Variants in CREB1 observed in about 807,000 individuals in gnomAD.
CREB1 encodes the protein cAMP responsive element binding protein 1.
CREB1 carries 2 observed loss-of-function variants against 42.0 expected under a neutral mutation model. The ratio of observed to expected loss-of-function variants is 0.05; its 90% CI spans 0.02 to 0.15. The LOEUF (loss-of-function observed/expected upper bound fraction) is 0.15. CREB1 is among the 10% of genes least tolerant of loss of function. The probability of loss-of-function intolerance (pLI) is 1.00; values close to 1 mark genes in which losing one functional copy is unlikely to be tolerated. For synonymous variants in CREB1, 123 were observed against 139.9 expected, an observed-to-expected ratio of 0.88 and a Z score of 0.85; for missense variants, 199 against 388.9, an observed-to-expected ratio of 0.51 and a Z score of 4.11.
chr2:207,558,532 C>CT (rs1161801187), intron 2 of CREB1, among the ~76,000 whole-genome samples: 4 of 152,090 alleles, frequency 2.6e-5, no homozygotes, highest in African/African-American at 9.7e-5. Context: ...TAACTGCCCT[C>CT]TTTTTGGCCT....
chr2:207,534,082 CAAGTT>C (rs2080765569), intron 1 of CREB1, among the ~76,000 whole-genome samples: 1 of 152,236 alleles, frequency 6.6e-6, no homozygotes. Context: ...GGCCCTTAGG[CAAGTT>C]ATCTTAACTT....
At chr2:207,593,605 T>C (rs183434840) in intron 7 of CREB1, among the ~76,000 whole-genome samples, 1 of 152,310 alleles carries the variant, frequency 6.6e-6, no homozygotes, top group Admixed American at 6.5e-5. Context: ...TCAATGGAAT[T>C]ACAATGTACT....
At chr2:207,572,460 A>G (rs1390915591) in intron 5 of CREB1, among the ~76,000 whole-genome samples, 1 of 152,216 alleles carries the variant, frequency 6.6e-6, no homozygotes, top group African/African-American at 2.4e-5. Flanking sequence ...CCATAGATAT[A>G]TAAACACACA....
chr2:207,541,149 G>A (rs1418586535), intron 1 of CREB1, among the ~76,000 whole-genome samples: 1 of 152,022 alleles, frequency 6.6e-6, no homozygotes, highest in African/African-American at 2.4e-5. Context: ...GAACCCACAG[G>A]TGGAGCATGC....
intron 7 of CREB1, chr2:207,581,461 T>A (rs2082947700): frequency 5.0e-6 from 1 of 201,772 alleles, no homozygotes; most frequent in African/African-American, 2.3e-5. Context: ...AATTTATTAT[T>A]ACACAAGTAA....
At chr2:207,563,648 A>G (rs1038766215) in intron 3 of CREB1, among the ~76,000 whole-genome samples, 1 of 152,202 alleles carries the variant, frequency 6.6e-6, no homozygotes, top group African/African-American at 2.4e-5. Flanking sequence ...TGACTGTTAT[A>G]AAGTGTTAAA....
chr2:207,577,549 A>C lies in CREB1; in HGVS notation c.733A>C (p.Thr245Pro), dbSNP rs751222079. ...VQTYQIRTAPTSTIAPGVVMA... is the reference protein window; with the variant it reads ...VQTYQIRTAPPSTIAPGVVMA... ...AACATACCAGATTCGCACAGCACCC[A>C]CTAGCACTATTGCCCCTGGAGTTGT... Residue 245 changes from threonine to proline, a missense_variant, in exon 7 of 8, where the codon ACT becomes CCT. By Grantham distance (38) the Thr-to-Pro change is conservative. Transcript: ENST00000353267. 8.1e-6 allele frequency: 13 copies of C among 1,613,992 alleles called. No individual in the cohort carries two copies. The South Asian group carries it at 1.4e-4, about 18-fold the overall frequency.
intron 7 of CREB1, among the ~76,000 whole-genome samples, chr2:207,586,706 AAAAC>A (rs770680495): frequency 2.6e-4 from 39 of 152,352 alleles, no homozygotes; most frequent in Middle Eastern, 3.4e-3. Context: ...ACCGAACAGG[AAAAC>A]AAACAAAAAT....
At chr2:207,565,911 G>T (rs988153803) in intron 3 of CREB1, among the ~76,000 whole-genome samples, 7 of 152,192 alleles carry the variant, frequency 4.6e-5, no homozygotes, top group African/African-American at 1.7e-4. Context: ...AGACTCTTGT[G>T]TGTGGGCTAG....
At chr2:207,530,886 ATGC>A (rs2080588827) in intron 1 of CREB1, among the ~76,000 whole-genome samples, 1 of 151,232 alleles carries the variant, frequency 6.6e-6, no homozygotes, top group South Asian at 2.1e-4. Context: ...CGTTGAGGAA[ATGC>A]TGCTTTCTGC....
At chr2:207,547,322 A>AG (rs1489744399) in intron 1 of CREB1, among the ~76,000 whole-genome samples, 1 of 152,254 alleles carries the variant, frequency 6.6e-6, no homozygotes, top group Non-Finnish European at 1.5e-5. Context: ...AGTAAATGTA[A>AG]GTAGGCTATA....
At position 207,598,423 on chromosome 2, in the gene CREB1, C is replaced by T. The variant is rs756242001; in HGVS notation, c.*1365C>T. On this transcript the variant is annotated 3_prime_UTR_variant, in exon 8 of 8. Coordinates refer to ENST00000353267, the MANE Select transcript of CREB1 (RefSeq NM_004379.5). ...ATTTGTGTATATCATACATTGTTTT[C>T]AATACCACTTTTAATTGTTACTCAT... 1.1e-5 allele frequency: 2 copies of T among 178,484 alleles called. No homozygotes were observed. The highest frequency in any genetic ancestry group is 2.4e-5 in the Non-Finnish European group (2 of 84,314). 11.1% of individuals were successfully genotyped at this position (178,484 alleles called of 1,614,324 possible). A position where few individuals can be genotyped will look rare whatever the true frequency, so the allele number is the denominator to read the frequency against.
intron 2 of CREB1, among the ~76,000 whole-genome samples, chr2:207,558,303 T>C (rs2081813871): frequency 6.6e-6 from 1 of 152,186 alleles, no homozygotes; most frequent in Non-Finnish European, 1.5e-5. Flanking sequence ...CAGAGTAGTT[T>C]CATCATCTTC....
In CREB1 at chr2:207,543,237, A is replaced by G. The variant is rs143241074; in HGVS notation, c.-8-12391A>G. Among the ~76,000 whole-genome samples, 11 of 152,296 alleles carry G rather than the reference A, an allele frequency of 7.2e-5. 1 individual carries two copies. In the East Asian group the frequency reaches 7.7e-4, roughly 11 times the overall value. On this transcript the variant is annotated intron_variant, in intron 1 of 7. Coordinates refer to ENST00000353267, the MANE Select transcript of CREB1 (RefSeq NM_004379.5). ...ACTTGGGGATTTTTTTCCCCCAAAT[A>G]TCTTTGATCTGCAGTTGGTTGAATC...
At chr2:207,552,391 A>G (rs912681850) in intron 1 of CREB1, among the ~76,000 whole-genome samples, 3 of 152,136 alleles carry the variant, frequency 2.0e-5, no homozygotes, top group Admixed American at 6.5e-5. Flanking sequence ...GAAATGGTCA[A>G]TCTGTGCATT....
intron 1 of CREB1, among the ~76,000 whole-genome samples, chr2:207,543,636 G>A (rs1316048438): frequency 6.6e-6 from 1 of 151,892 alleles, no homozygotes; most frequent in Non-Finnish European, 1.5e-5. Flanking sequence ...TTGAGATGGA[G>A]TCTGTCACCA....
chr2:207,535,254 G>A (rs957695891), intron 1 of CREB1, among the ~76,000 whole-genome samples: 3 of 152,124 alleles, frequency 2.0e-5, no homozygotes, highest in Non-Finnish European at 4.4e-5. Flanking sequence ...ATGTACATGA[G>A]GAGGCAAGCA....
chr2:207,587,022 T>C (rs1250991006), intron 7 of CREB1, among the ~76,000 whole-genome samples: 1 of 152,168 alleles, frequency 6.6e-6, no homozygotes, highest in African/African-American at 2.4e-5. Context: ...TCTAACTCTT[T>C]GTGTTAGAAT....
chr2:207,562,846 A>AT (rs1466919761), intron 3 of CREB1, among the ~76,000 whole-genome samples: 1 of 152,214 alleles, frequency 6.6e-6, no homozygotes, highest in Non-Finnish European at 1.5e-5. Context: ...GTGAGAATAG[A>AT]TTATTACTTT....
Sources: gnomAD v4.1 joint callset for allele counts (sites outside exome capture counted in the v4.1 genomes callset) on GRCh38, gnomAD v4.1.1 for gene constraint, MANE v1.5 for transcripts, NCBI Gene and HGNC (gene_info 2026-07-23, HGNC 2026-07-21) for gene names.